Variants in PLCB1 observed in about 807,000 individuals in gnomAD.
PLCB1 encodes the protein 1-phosphatidylinositol 4,5-bisphosphate phosphodiesterase beta-1.
Under a neutral mutation model 161.8 loss-of-function variants are expected in PLCB1, and 46 were observed. The observed-to-expected ratio is 0.28, with a 90% CI of 0.22 to 0.36. The LOEUF is 0.36. Ranked by LOEUF, PLCB1 falls within the 10% of genes least tolerant of loss-of-function variation. PLCB1 has a pLI of 1.00. For missense variants in PLCB1, 1,016 were observed against 1,472.5 expected, an observed-to-expected ratio of 0.69 and a Z score of 5.07; for synonymous variants, 517 against 503.7, an observed-to-expected ratio of 1.03 and a Z score of -0.35.
intron 3 of PLCB1, among the ~76,000 whole-genome samples, chr20:8,403,383 A>G (rs1190981905): frequency 6.6e-6 from 1 of 151,996 alleles, no homozygotes; most frequent in East Asian, 1.9e-4. Context: ...CTGTGTCTCA[A>G]AAACCAACCA....
intron 27 of PLCB1, among the ~76,000 whole-genome samples, chr20:8,786,691 GTT>G (rs539647446): frequency 2.8e-5 from 4 of 141,458 alleles, no homozygotes; most frequent in Admixed American, 7.1e-5. Flanking sequence ...AATCTTTTTT[GTT>G]TTTTTTTTTT....
rs935958093 is a variant in PLCB1, at chr20:8,589,532, C to T, written c.247-38762C>T. On this transcript the variant is annotated intron_variant, in intron 3 of 31. Coordinates refer to ENST00000338037, the MANE Select transcript of PLCB1 (RefSeq NM_015192.4). ...TCTGATGAGAGCCCACTTCCTGGTT[C>T]GTAGACAGAAGACCATCTTCTTATT... is the stretch of plus-strand genomic sequence containing the variant. Among the ~76,000 whole-genome samples, 8 of 150,492 alleles carry T rather than the reference C, an allele frequency of 5.3e-5. No individual in the cohort carries two copies. The South Asian group carries it at 8.5e-4, about 16-fold the overall frequency.
At chr20:8,586,265 C>T (rs1456408947) in intron 3 of PLCB1, among the ~76,000 whole-genome samples, 1 of 152,176 alleles carries the variant, frequency 6.6e-6, no homozygotes, top group African/African-American at 2.4e-5. Context: ...TTGACTTATT[C>T]CTGTCACAGA....
intron 2 of PLCB1, among the ~76,000 whole-genome samples, chr20:8,296,903 A>G (rs1003524337): frequency 1.3e-5 from 2 of 152,186 alleles, no homozygotes; most frequent in African/African-American, 4.8e-5. Context: ...TTTATATGGA[A>G]GATGAGAGAG....
At chr20:8,344,538 A>G (rs934970451) in intron 2 of PLCB1, among the ~76,000 whole-genome samples, 5 of 152,184 alleles carry the variant, frequency 3.3e-5, no homozygotes, top group Non-Finnish European at 7.3e-5. Flanking sequence ...TAGGCTTCTC[A>G]TGGTGTTCCA....
intron 3 of PLCB1, among the ~76,000 whole-genome samples, chr20:8,527,805 C>A (rs1357932796): frequency 2.0e-5 from 3 of 151,940 alleles, no homozygotes; most frequent in African/African-American, 7.2e-5. Context: ...GGCTTAGCAA[C>A]AATTTTTTTA....
chr20:8,716,175 T>C lies in PLCB1; in HGVS notation c.1251-89T>C, dbSNP rs1979299211. The C allele has an allele frequency of 8.8e-6, 8 of 910,024 alleles. No homozygotes were observed. In the Admixed American group the frequency reaches 9.7e-5, roughly 11 times the overall value. The allele number at this position is 910,024 out of a possible 1,614,324, so 56.4% of individuals were successfully genotyped here. On this transcript the variant is annotated intron_variant, in intron 12 of 31. Coordinates refer to ENST00000338037, the MANE Select transcript of PLCB1 (RefSeq NM_015192.4). ...ATGGGTGGGATTAGAGAATTACTTC[T>C]TTCTGTAGTTAATAACACAAAGCAA...
chr20:8,716,448 A>G (rs763447481), intron 13 of PLCB1, 100 bp downstream of exon 13: 53 of 874,636 alleles, frequency 6.1e-5, no homozygotes, highest in Non-Finnish European at 9.6e-5. Flanking sequence ...GTTTCTTGGT[A>G]AGATTAATGC....
chr20:8,498,375 G>A (rs1238954739), intron 3 of PLCB1, among the ~76,000 whole-genome samples: 7 of 151,774 alleles, frequency 4.6e-5, no homozygotes, highest in South Asian at 4.2e-4. Context: ...GATTACAGGC[G>A]TGAGCCACCA....
intron 31 of PLCB1, among the ~76,000 whole-genome samples, chr20:8,845,758 A>G (rs1372334286): frequency 6.6e-6 from 1 of 152,242 alleles, no homozygotes; most frequent in Non-Finnish European, 1.5e-5. Flanking sequence ...AAGGAAAAAA[A>G]AAGAAAATCA....
intron 9 of PLCB1, among the ~76,000 whole-genome samples, chr20:8,678,728 G>A (rs57235693): frequency 0.019 from 2,869 of 152,210 alleles, 73 homozygotes; most frequent in African/African-American, 0.057. Context: ...TTAGCCCATC[G>A]GCAATCAACG....
chr20:8,697,062 T>C (rs1003937535), intron 10 of PLCB1, among the ~76,000 whole-genome samples: 1 of 152,204 alleles, frequency 6.6e-6, no homozygotes, highest in African/African-American at 2.4e-5. Flanking sequence ...AAGAGCACTT[T>C]TAAAAACAGA....
intron 31 of PLCB1, among the ~76,000 whole-genome samples, chr20:8,795,748 G>A (rs773717048): frequency 9.2e-5 from 14 of 152,046 alleles, no homozygotes; most frequent in East Asian, 3.9e-4. Context: ...GGTGGTGGGC[G>A]CTGGTAGTCC....
intron 31 of PLCB1, among the ~76,000 whole-genome samples, chr20:8,848,035 G>A (rs1003889140): frequency 6.6e-6 from 1 of 152,206 alleles, no homozygotes; most frequent in Non-Finnish European, 1.5e-5. Flanking sequence ...AGACAGAAGA[G>A]CAAGAGAGAC....
intron 3 of PLCB1, among the ~76,000 whole-genome samples, chr20:8,477,830 C>T (rs1317309007): frequency 6.6e-6 from 1 of 152,228 alleles, no homozygotes; most frequent in Non-Finnish European, 1.5e-5. Context: ...ATAATCCAAG[C>T]AGCTCCCACT....
At chr20:8,717,608 C>T in intron 13 of PLCB1, 63 bp from the exon 14 acceptor site, 1 of 1,308,852 alleles carries the variant, frequency 7.6e-7, no homozygotes, top group Non-Finnish European at 1.1e-6. Flanking sequence ...ATCTGGGGGT[C>T]TGGGGAGGGG....
At chr20:8,770,231 C>T (rs548373063) in intron 26 of PLCB1, among the ~76,000 whole-genome samples, 3 of 152,310 alleles carry the variant, frequency 2.0e-5, no homozygotes, top group East Asian at 1.9e-4. Context: ...GGATTACAGG[C>T]GTGAGCCACC....
chr20:8,359,583 T>C (rs941371697), intron 2 of PLCB1, among the ~76,000 whole-genome samples: 6 of 152,204 alleles, frequency 3.9e-5, no homozygotes. Context: ...GCACTGTCTC[T>C]CACGTGATGA....
chr20:8,545,115 C>T lies in PLCB1; in HGVS notation c.247-83179C>T, dbSNP rs140545972. On this transcript the variant is annotated intron_variant, in intron 3 of 31. Coordinates refer to ENST00000338037, the MANE Select transcript of PLCB1 (RefSeq NM_015192.4). ...GTGGAAACTATAAGACAAAAATTAA[C>T]GCAATGGAGTTAGATAGGGGGAAAA... 1.6e-3 allele frequency among the ~76,000 whole-genome samples: 236 copies of T among 152,200 alleles called. 1 individual carries two copies. The highest frequency in any genetic ancestry group is 3.6e-3 in the African/African-American group (151 of 41,544).
Sources: allele counts gnomAD v4.1 joint callset (sites outside exome capture counted in the v4.1 genomes callset), GRCh38; gene constraint gnomAD v4.1.1; transcripts MANE v1.5; gene names NCBI Gene and HGNC (gene_info 2026-07-23, HGNC 2026-07-21).